ETF1: variants seen among roughly 807,000 people sequenced by gnomAD.
ETF1 encodes the protein eukaryotic peptide chain release factor subunit 1.
Under a neutral mutation model 55.1 loss-of-function variants are expected in ETF1, and 4 were observed. The ratio of observed to expected loss-of-function variants is 0.07; its 90% confidence interval spans 0.04 to 0.17. ETF1 has a LOEUF of 0.17. ETF1 is among the 10% of genes least tolerant of loss of function. The pLI, the probability that ETF1 is intolerant of heterozygous loss-of-function variation, is 1.00. For missense variants in ETF1, 142 were observed against 523.6 expected, an observed-to-expected ratio of 0.27 and a Z score of 7.11; for synonymous variants, 157 against 182.3, an observed-to-expected ratio of 0.86 and a Z score of 1.12.
At chr5:138,512,197 CAAAAAAAAAAAAA>C (rs58386195) in intron 6 of ETF1, among the ~76,000 whole-genome samples, 2 of 2,842 alleles carry the variant, frequency 7.0e-4, no homozygotes, top group Non-Finnish European at 1.1e-3. Flanking sequence ...GACCCAGTCT[CAAAAAAAAAAAAA>C]AAAAAAAAAA....
chr5:138,537,310 T>G (rs1224087703), intron 2 of ETF1, among the ~76,000 whole-genome samples: 1 of 152,240 alleles, frequency 6.6e-6, no homozygotes, highest in Non-Finnish European at 1.5e-5. Context: ...TCCATTAGGG[T>G]ATCTCTACAG....
chr5:138,511,941 T>C (rs1463801726), intron 6 of ETF1: 1 of 964,294 alleles, frequency 1.0e-6, no homozygotes, highest in Non-Finnish European at 1.2e-6. Context: ...CTCACACCTA[T>C]AATCCCAGCA....
intron 2 of ETF1, among the ~76,000 whole-genome samples, chr5:138,530,440 G>T (rs1255570436): frequency 6.6e-6 from 1 of 152,072 alleles, no homozygotes; most frequent in African/African-American, 2.4e-5. Context: ...ACCACGCCCA[G>T]CTAATTGTTG....
intron 2 of ETF1, among the ~76,000 whole-genome samples, chr5:138,538,778 C>A (rs1363803594): frequency 1.3e-5 from 2 of 152,026 alleles, no homozygotes; most frequent in Non-Finnish European, 2.9e-5. Flanking sequence ...GGTACTCAAA[C>A]ACATCCAACA....
intron 6 of ETF1, chr5:138,511,857 T>C (rs1182607555): frequency 9.1e-6 from 9 of 984,958 alleles, no homozygotes; most frequent in South Asian, 4.7e-5. Context: ...AAATAAGTTA[T>C]TGTGGAGGAA....
rs768414787 is a variant in ETF1, at chr5:138,541,766, G to T, written c.86+1067C>A. ...AATAATGTTCCAAACACTTTTTTTT[G>T]GGGGGGGGGGCACTTCCTGTAAGTA... On this transcript the variant is annotated intron_variant, in intron 2 of 10. Transcript: ENST00000360541. The T allele has an allele frequency of 3.0e-3, 140 of 46,892 alleles. 1 individual carries two copies. The highest frequency in any genetic ancestry group is 0.015 in the African/African-American group (53 of 3,564). The allele number at this position is 46,892 out of a possible 1,614,324, so 2.9% of individuals were successfully genotyped here.
rs1329716395 is a variant in ETF1, at chr5:138,511,503, C to T, written c.834G>A (p.Val278=). The change falls in exon 7 of 11, where the codon GTG becomes GTA. Residue 278 remains valine (V), a synonymous_variant. Transcript: ENST00000360541. ...IELSTEVLSN[V]KFIQEKKLIG... is the part of the protein sequence containing the mutation. ...TTAATTTCTTCTCTTGAATGAATTT[C>T]ACGTTGGAGAGGACTTCAGTAGATA... The T allele has an allele frequency of 6.2e-7, 1 of 1,613,642 alleles. No individual in the cohort carries two copies. The highest frequency in any genetic ancestry group is 2.2e-5 in the East Asian group (1 of 44,846).
At chr5:138,533,440 C>G (rs1765784941) in intron 2 of ETF1, among the ~76,000 whole-genome samples, 1 of 152,100 alleles carries the variant, frequency 6.6e-6, no homozygotes, top group Non-Finnish European at 1.5e-5. Flanking sequence ...GTAATCCCAG[C>G]ACTTTGAGAG....
intron 2 of ETF1, among the ~76,000 whole-genome samples, chr5:138,530,301 CAG>C (rs1204803251): frequency 4.6e-5 from 7 of 151,848 alleles, no homozygotes; most frequent in African/African-American, 1.7e-4. Context: ...TTCTCTGAGA[CAG>C]AGTCTCGCTC....
intron 2 of ETF1, chr5:138,519,178 C>A (rs901437026): frequency 4.1e-6 from 4 of 984,972 alleles, no homozygotes; most frequent in Admixed American, 6.2e-5. Flanking sequence ...TAAGGAGTGT[C>A]AACAGGCTGG....
chr5:138,506,133 T>C lies in ETF1; in HGVS notation c.*2172A>G, dbSNP rs906866304. On this transcript the variant is annotated 3_prime_UTR_variant, in exon 11 of 11. Coordinates refer to ENST00000360541, the MANE Select transcript of ETF1 (RefSeq NM_004730.4). The stretch of plus-strand genomic sequence containing the variant: ...GGTTTAATACTCTTCTCCATTTCTG[T>C]ACATCACAACACCAAGATTTTGCTG... 6.6e-6 allele frequency: 1 copy of C among 152,638 alleles called. No homozygotes were observed. Among genetic ancestry groups the C allele is most frequent in the African/African-American group, 2.4e-5 (1 of 41,464 alleles). 9.5% of individuals were successfully genotyped at this position (152,638 alleles called of 1,614,324 possible).
intron 4 of ETF1, among the ~76,000 whole-genome samples, chr5:138,516,610 T>C (rs897462466): frequency 1.3e-5 from 2 of 152,228 alleles, no homozygotes; most frequent in African/African-American, 4.8e-5. Context: ...CACTGCACTC[T>C]AGCCTGGGCG....
At chr5:138,522,141 C>T (rs1163254991) in intron 2 of ETF1, among the ~76,000 whole-genome samples, 1 of 151,796 alleles carries the variant, frequency 6.6e-6, no homozygotes, top group Non-Finnish European at 1.5e-5. Context: ...AATCAACTTG[C>T]TTTCATTCTC....
rs57906231 is a variant in ETF1 at position 138,510,357 on chromosome 5, C to CAAAAAAA, written c.1083+201_1083+207dup. 2.3e-4 allele frequency among the ~76,000 whole-genome samples: 15 copies of CAAAAAAA among 64,804 alleles called. 2 individuals carry two copies. The highest frequency in any genetic ancestry group is 6.8e-4 in the Admixed American group (3 of 4,394). The allele number at this position is 64,804 out of a possible 152,430, so 42.5% of individuals were successfully genotyped here. A position where few individuals can be genotyped will look rare whatever the true frequency, so the allele number is the denominator to read the frequency against. On this transcript the variant is annotated intron_variant, in intron 9 of 10. Transcript: ENST00000360541. ...TGGGCAACAGAGCAAGACCTTGTCT[C>CAAAAAAA]AAAAAAAAAAAAAAAAAAAAAAAAA...
intron 2 of ETF1, among the ~76,000 whole-genome samples, chr5:138,531,977 C>T (rs1421115581): frequency 4.6e-5 from 7 of 152,010 alleles, no homozygotes; most frequent in Non-Finnish European, 1.0e-4. Flanking sequence ...AACCGGGAGG[C>T]GGAGCTTGCA....
chr5:138,511,548 T>C lies in ETF1; in HGVS notation c.789A>G (p.Gly263=). The change falls in exon 7 of 11, where the codon GGA becomes GGG. Residue 263 remains glycine, a synonymous_variant. Transcript: ENST00000360541. ...LVDISYGGEN[G]FNQAIELSTE... ...TAGATAACTCAATAGCTTGGTTGAATCCATTTTCACCACCATAGGATATAT... is the reference window on the plus strand; with the variant it reads ...TAGATAACTCAATAGCTTGGTTGAACCCATTTTCACCACCATAGGATATAT... 6.2e-7 allele frequency: 1 copy of C among 1,613,162 alleles called. No individual in the cohort carries two copies. Among genetic ancestry groups the C allele is most frequent in the Non-Finnish European group, 8.5e-7 (1 of 1,179,698 alleles).
intron 4 of ETF1, among the ~76,000 whole-genome samples, chr5:138,517,212 T>C (rs1056606378): frequency 4.6e-5 from 7 of 151,346 alleles, no homozygotes; most frequent in Admixed American, 2.0e-4. Context: ...CTACTAAAAA[T>C]ACAAAAAAAT....
At chr5:138,512,232 A>G (rs1279122940) in intron 6 of ETF1, among the ~76,000 whole-genome samples, 9 of 4,668 alleles carry the variant, frequency 1.9e-3, no homozygotes, top group Non-Finnish European at 4.7e-3. Flanking sequence ...AAAAATATAT[A>G]TATATATATA....
At chr5:138,534,922 G>T (rs1252005274) in intron 2 of ETF1, among the ~76,000 whole-genome samples, 2 of 110,848 alleles carry the variant, frequency 1.8e-5, no homozygotes, top group Non-Finnish European at 4.6e-5. Context: ...GTTATAAGGG[G>T]GGGGGTCAAA....
Sources: allele counts gnomAD v4.1 joint callset (sites outside exome capture counted in the v4.1 genomes callset), GRCh38; gene constraint gnomAD v4.1.1; transcripts MANE v1.5; gene names NCBI Gene and HGNC (gene_info 2026-07-23, HGNC 2026-07-21).